ATP11B: variants seen among roughly 807,000 people sequenced by gnomAD.
ATP11B encodes ATPase phospholipid transporting 11B (putative), also known as phospholipid-transporting ATPase IF.
In ATP11B, 81 loss-of-function variants were observed where a neutral mutation model predicts 157.8. That is an observed-to-expected ratio of 0.51 (90% CI 0.43 to 0.62). The LOEUF is 0.62. Ranked by LOEUF, ATP11B falls within the 20% of genes least tolerant of loss-of-function variation. The pLI, the probability that ATP11B is intolerant of heterozygous loss-of-function variation, is 0.00. For missense variants in ATP11B, 1,165 were observed against 1,402.2 expected, an observed-to-expected ratio of 0.83 and a Z score of 2.70; for synonymous variants, 451 against 469.4, an observed-to-expected ratio of 0.96 and a Z score of 0.51.
intron 1 of ATP11B, 26 bp downstream of exon 1, chr3:182,793,812 C>T: frequency 7.5e-7 from 1 of 1,328,436 alleles, no homozygotes. Flanking sequence ...CCTCCACCTC[C>T]ATTCGTCCGC....
chr3:182,842,963 T>G (rs1577006540), intron 8 of ATP11B, among the ~76,000 whole-genome samples: 2 of 152,212 alleles, frequency 1.3e-5, no homozygotes, highest in South Asian at 2.1e-4. Context: ...TGCAGGCTTC[T>G]TACCAGTCCT....
intron 29 of ATP11B, chr3:182,914,708 T>C (rs1180162605): frequency 1.0e-6 from 1 of 985,112 alleles, no homozygotes; most frequent in South Asian, 4.7e-5. Flanking sequence ...TTGTGCACCA[T>C]AACGAAAAAA....
chr3:182,802,099 T>C (rs377172729), intron 1 of ATP11B, among the ~76,000 whole-genome samples: 1 of 152,374 alleles, frequency 6.6e-6, no homozygotes, highest in African/African-American at 2.4e-5. Flanking sequence ...GTTTTACTTA[T>C]AACATGAATA....
At chr3:182,898,984 T>A (rs944182911) in intron 28 of ATP11B, among the ~76,000 whole-genome samples, 4 of 152,122 alleles carry the variant, frequency 2.6e-5, no homozygotes, top group African/African-American at 7.2e-5. Context: ...GTTATTTTTT[T>A]AATTACATTG....
chr3:182,915,598 T>C (rs2108599252), intron 29 of ATP11B: 1 of 970,608 alleles, frequency 1.0e-6, no homozygotes, highest in Non-Finnish European at 1.2e-6. Flanking sequence ...TTAATGACAA[T>C]ATACGTTTTT....
chr3:182,850,458 G>A (rs904917673), intron 10 of ATP11B, among the ~76,000 whole-genome samples: 5 of 152,000 alleles, frequency 3.3e-5, no homozygotes, highest in Admixed American at 2.0e-4. Context: ...GGGCAACAGA[G>A]CGAGACTCCA....
intron 21 of ATP11B, among the ~76,000 whole-genome samples, chr3:182,883,954 CAAAAAA>C (rs1170838231): frequency 1.6e-5 from 1 of 63,414 alleles, no homozygotes; most frequent in Non-Finnish European, 3.8e-5. Context: ...GACTCCGTCT[CAAAAAA>C]AAAAAAAAAA....
intron 1 of ATP11B, among the ~76,000 whole-genome samples, chr3:182,817,389 C>T (rs1379756448): frequency 6.6e-6 from 1 of 151,926 alleles, no homozygotes; most frequent in Non-Finnish European, 1.5e-5. Context: ...CAAGCAGTTC[C>T]CCTGCCACAG....
chr3:182,864,634 C>T (rs915584328), intron 12 of ATP11B, among the ~76,000 whole-genome samples: 7 of 151,896 alleles, frequency 4.6e-5, no homozygotes, highest in Non-Finnish European at 1.5e-5. Context: ...GTATATAACC[C>T]TTTTTATATG....
At chr3:182,891,013 T>G (rs566313179) in intron 25 of ATP11B, among the ~76,000 whole-genome samples, 115 of 152,316 alleles carry the variant, frequency 7.6e-4, no homozygotes, top group African/African-American at 2.6e-3. Flanking sequence ...GTTGTGCACA[T>G]GTACCCTAGA....
At chr3:182,905,775 T>G (rs916862657) in intron 28 of ATP11B, 2 of 456,762 alleles carry the variant, frequency 4.4e-6, no homozygotes, top group Non-Finnish European at 4.4e-6. Flanking sequence ...TGAGACTTGT[T>G]GCTTTTCTGT....
intron 29 of ATP11B, chr3:182,917,170 A>T: frequency 1.0e-6 from 1 of 985,370 alleles, no homozygotes; most frequent in Non-Finnish European, 1.2e-6. Flanking sequence ...TCTTCCTGTA[A>T]CATCTCTGTT....
chr3:182,837,782 C>T (rs1718668975), intron 7 of ATP11B, among the ~76,000 whole-genome samples: 2 of 151,918 alleles, frequency 1.3e-5, no homozygotes, highest in African/African-American at 4.8e-5. Flanking sequence ...GATCTTGTTT[C>T]TGAAAGGAGA....
In ATP11B at chr3:182,897,374, T is replaced by C; in HGVS notation, c.3120T>C (p.Phe1040=). The C allele has an allele frequency of 1.9e-6, 3 of 1,589,726 alleles. No homozygotes were observed. Among genetic ancestry groups the C allele is most frequent in the Non-Finnish European group, 2.6e-6 (3 of 1,172,302 alleles). The part of the protein sequence containing the change: ...LVTWGSIIFY[F]VFSLFYGGIL... ...CCTGGGGATCTATTATATTTTATTT[T>C]GTATTTTCCTTGTTTTATGGAGGGA... The change falls in exon 27 of 30, where the codon TTT becomes TTC. Residue 1040 remains phenylalanine, a synonymous_variant. Transcript: ENST00000323116.
In ATP11B at chr3:182,918,070, T is replaced by G. The variant is rs1277165457; in HGVS notation, c.3500T>G (p.Leu1167Trp). Residue 1167 changes from leucine (L) to tryptophan (W), a missense_variant, in exon 30 of 30, where the codon TTG (leucine) becomes TGG (tryptophan). Leu to Trp is a moderately conservative substitution (Grantham distance 61). Coordinates refer to ENST00000323116, the MANE Select transcript of ATP11B (RefSeq NM_014616.3). ...DPFYTNDRSI[L>W]TLSTMDSSTC ...TTCTATACCAACGACAGGAGCATCT[T>G]GACTCTCTCCACAATGGACTCATCT... is the stretch of plus-strand genomic sequence containing the variant. The G allele has an allele frequency of 3.1e-6, 5 of 1,613,506 alleles. No homozygotes were observed. The highest frequency in any genetic ancestry group is 4.2e-6 in the Non-Finnish European group (5 of 1,179,578).
chr3:182,894,000 C>T (rs1472287019), intron 25 of ATP11B, among the ~76,000 whole-genome samples: 4 of 152,126 alleles, frequency 2.6e-5, no homozygotes, highest in Non-Finnish European at 5.9e-5. Flanking sequence ...ATTGCCTATT[C>T]ATGTCCTTAG....
chr3:182,848,484 G>T lies in ATP11B; in HGVS notation c.778G>T (p.Val260Leu), dbSNP rs1342808230. 2 of 1,544,518 alleles carry T rather than the reference G, an allele frequency of 1.3e-6. No homozygotes were observed. Among genetic ancestry groups the T allele is most frequent in the South Asian group, 1.3e-5 (1 of 77,550 alleles). The change falls in exon 10 of 30, where the codon GTA becomes TTA. Residue 260 changes from valine (V) to leucine (L), a missense_variant. Transcript: ENST00000323116. ...TTTGTTTTATTTTACAGGTGTTGCG[G>T]TATACACTGGAATGGAAACTAAGAT... is the stretch of plus-strand genomic sequence containing the variant. ...KNTKEIFGVA[V>L]YTGMETKMAL...
At chr3:182,853,624 T>C (rs1387390937) in intron 10 of ATP11B, among the ~76,000 whole-genome samples, 1 of 152,170 alleles carries the variant, frequency 6.6e-6, no homozygotes, top group Non-Finnish European at 1.5e-5. Context: ...TTGTGCAAGA[T>C]TTATATAATG....
chr3:182,895,641 A>AC (rs1290506838), intron 25 of ATP11B, among the ~76,000 whole-genome samples: 2 of 152,214 alleles, frequency 1.3e-5, no homozygotes, highest in Non-Finnish European at 2.9e-5. Context: ...ACACACAGAA[A>AC]GAGGGCGGCT....
Sources: allele counts gnomAD v4.1 joint callset (sites outside exome capture counted in the v4.1 genomes callset), GRCh38; gene constraint gnomAD v4.1.1; transcripts MANE v1.5; gene names NCBI Gene and HGNC (gene_info 2026-07-23, HGNC 2026-07-21).